Variants in FAM193A observed in about 807,000 individuals in gnomAD.
FAM193A encodes family with sequence similarity 193 member A, also known as protein FAM193A.
In FAM193A, 22 loss-of-function variants were observed where a neutral mutation model predicts 126.5. The observed-to-expected ratio is 0.17, with a 90% CI of 0.12 to 0.25. The LOEUF (loss-of-function observed/expected upper bound fraction) is 0.25. Ranked by LOEUF, FAM193A falls within the 10% of genes least tolerant of loss-of-function variation. The pLI is 1.00. For synonymous variants in FAM193A, 761 were observed against 646.8 expected (o/e 1.18, Z -2.68); for missense variants, 1,675 against 1,672.8 (o/e 1.00, Z -0.02).
intron 20 of FAM193A, among the ~76,000 whole-genome samples, chr4:2,720,233 G>A (rs1302788387): frequency 1.3e-5 from 2 of 152,116 alleles, no homozygotes; most frequent in Admixed American, 6.6e-5. Flanking sequence ...CTAGGCTAAA[G>A]GAGTATAAAA....
At chr4:2,721,066 C>T (rs4690028) in intron 20 of FAM193A, among the ~76,000 whole-genome samples, 56,110 of 151,712 alleles carry the variant, frequency 0.37, 10,878 homozygotes, top group Admixed American at 0.53. Flanking sequence ...GTAATCCCAG[C>T]ACTTTGGGAG....
At chr4:2,699,533 G>T (rs867380048) in intron 18 of FAM193A, 147 bp from the exon 19 acceptor site, 2 of 677,094 alleles carry the variant, frequency 3.0e-6, no homozygotes, top group Middle Eastern at 4.1e-4. Flanking sequence ...ATTGGAGGTG[G>T]GTGTGTGTTA....
Position 2,577,424 on chromosome 4 carries a change from T to TTTG in FAM193A, c.256-18658_256-18657insGTT, listed in dbSNP as rs940242180. Among the ~76,000 whole-genome samples, 36 of 144,510 alleles carry TTTG rather than the reference T, an allele frequency of 2.5e-4. 1 individual carries two copies. The highest frequency in any genetic ancestry group is 8.5e-4 in the African/African-American group (34 of 39,964). The allele number at this position is 144,510 out of a possible 152,430, so 94.8% of individuals were successfully genotyped here. ...TCAATTAAAGTGGTTTTTTTTTTGT[T>TTTG]TTTTTTTTTTTTGAGACAGAGTCTC... On this transcript the variant is annotated intron_variant, in intron 1 of 20. Coordinates refer to ENST00000637812, the MANE Select transcript of FAM193A (RefSeq NM_001366318.2).
intron 17 of FAM193A, 22 bp from the exon 18 acceptor site, chr4:2,696,341 A>T (rs1438244739): frequency 6.5e-7 from 1 of 1,548,004 alleles, no homozygotes; most frequent in African/African-American, 1.4e-5. Context: ...AAACTTAAGC[A>T]TAACTTTGTT....
intron 13 of FAM193A, among the ~76,000 whole-genome samples, chr4:2,688,897 G>A (rs1402598870): frequency 1.3e-5 from 2 of 152,254 alleles, no homozygotes; most frequent in African/African-American, 2.4e-5. Context: ...ATGCATGGAT[G>A]TTGGCTAGCC....
intron 20 of FAM193A, among the ~76,000 whole-genome samples, chr4:2,724,053 CAA>C (rs1720463891): frequency 1.3e-5 from 2 of 150,480 alleles, no homozygotes; most frequent in African/African-American, 4.9e-5. Context: ...TCAGCTTACT[CAA>C]AAGATAATTG....
chr4:2,717,897 A>AC (rs547207547), intron 20 of FAM193A, among the ~76,000 whole-genome samples: 449 of 151,838 alleles, frequency 3.0e-3, no homozygotes, highest in African/African-American at 0.011. Context: ...CAGGTGATCC[A>AC]CCCCCCCTTG....
At chr4:2,627,322 G>A (rs962974418) in intron 4 of FAM193A, among the ~76,000 whole-genome samples, 4 of 150,900 alleles carry the variant, frequency 2.7e-5, no homozygotes, top group South Asian at 4.2e-4. Flanking sequence ...CACTGTGCCC[G>A]GCTAATTTTT....
chr4:2,543,757 C>CT (rs1737374750), intron 1 of FAM193A, among the ~76,000 whole-genome samples: 1 of 147,824 alleles, frequency 6.8e-6, no homozygotes, highest in African/African-American at 2.5e-5. Flanking sequence ...ACTCAGGAGG[C>CT]TGAGACATGA....
intron 2 of FAM193A, among the ~76,000 whole-genome samples, chr4:2,605,970 CAAAAAAAAAAAA>C (rs1160026686): frequency 6.3e-4 from 20 of 31,896 alleles, no homozygotes; most frequent in East Asian, 1.6e-3. Context: ...GACTCTGTCT[CAAAAAAAAAAAA>C]AAAAAAAAAA....
At chr4:2,548,803 G>A (rs1272230442) in intron 1 of FAM193A, among the ~76,000 whole-genome samples, 1 of 151,776 alleles carries the variant, frequency 6.6e-6, no homozygotes, top group Non-Finnish European at 1.5e-5. Flanking sequence ...ATGAAGTTCC[G>A]TTTACCAATT....
At chr4:2,618,915 A>G (rs376281480) in intron 2 of FAM193A, among the ~76,000 whole-genome samples, 3 of 151,942 alleles carry the variant, frequency 2.0e-5, no homozygotes, top group Non-Finnish European at 2.9e-5. Context: ...ATTTTTTTGT[A>G]GAGGTGGGGT....
chr4:2,700,741 A>G (rs928204615), intron 19 of FAM193A, among the ~76,000 whole-genome samples, 197 bp downstream of exon 19: 1 of 152,148 alleles, frequency 6.6e-6, no homozygotes, highest in African/African-American at 2.4e-5. Context: ...TGGGCAGATC[A>G]CCAGAGGTTA....
intron 7 of FAM193A, among the ~76,000 whole-genome samples, chr4:2,652,945 C>A (rs1378182204): frequency 1.3e-5 from 2 of 152,214 alleles, no homozygotes; most frequent in African/African-American, 4.8e-5. Context: ...CCTGGTGTTA[C>A]CACATCTGCA....
chr4:2,621,182 C>T (rs1361088303), intron 2 of FAM193A, among the ~76,000 whole-genome samples: 2 of 152,186 alleles, frequency 1.3e-5, no homozygotes, highest in African/African-American at 4.8e-5. Flanking sequence ...GAGACCCCTT[C>T]TTCTTCACCG....
intron 13 of FAM193A, among the ~76,000 whole-genome samples, chr4:2,679,375 C>CTTTTTTTTT (rs796366785): frequency 6.8e-5 from 6 of 87,850 alleles, no homozygotes; most frequent in Admixed American, 1.4e-4. Flanking sequence ...AGTTTTCTTT[C>CTTTTTTTTT]TTTTTTTTTT....
chr4:2,676,724 C>T (rs1157441982), intron 13 of FAM193A, among the ~76,000 whole-genome samples: 2 of 152,142 alleles, frequency 1.3e-5, no homozygotes, highest in Non-Finnish European at 2.9e-5. Flanking sequence ...AGGCGGATCA[C>T]GAGGTCAGGA....
chr4:2,726,875 A>G lies in FAM193A; in HGVS notation c.4455-4900A>G, dbSNP rs563047865. 2.0e-4 allele frequency among the ~76,000 whole-genome samples: 27 copies of G among 135,830 alleles called. 1 individual carries two copies. In the East Asian group the frequency reaches 5.1e-3, roughly 26 times the overall value. 89.1% of individuals were successfully genotyped at this position (135,830 alleles called of 152,430 possible). On this transcript the variant is annotated intron_variant, in intron 20 of 20. Transcript: ENST00000637812. ...TGAGGCAGGAGAATCTCTTGAACCC[A>G]GGAAGAGGAGGTTGTAGTGAGCCCA...
chr4:2,572,787 T>TG (rs2108862239), intron 1 of FAM193A, among the ~76,000 whole-genome samples: 1 of 150,918 alleles, frequency 6.6e-6, no homozygotes, highest in Non-Finnish European at 1.5e-5. Context: ...ATTTTTTTTT[T>TG]TTTTTTTTTT....
Sources: allele counts gnomAD v4.1 joint callset (sites outside exome capture counted in the v4.1 genomes callset), GRCh38; gene constraint gnomAD v4.1.1; transcripts MANE v1.5; gene names NCBI Gene and HGNC (gene_info 2026-07-23, HGNC 2026-07-21).